The following SYN3 variants were observed in gnomAD, a reference collection of about 807,000 sequenced individuals.
The protein encoded by SYN3 is synapsin-3.
In SYN3, 35 loss-of-function variants were observed where a neutral mutation model predicts 65.8. The ratio of observed to expected loss-of-function variants is 0.53; its 90% CI spans 0.41 to 0.70. The LOEUF (loss-of-function observed/expected upper bound fraction) is 0.70. Ranked by LOEUF, SYN3 falls within the 30% of genes least tolerant of loss-of-function variation. The pLI is 0.00. For missense variants in SYN3, 680 were observed against 749.0 expected, an observed-to-expected ratio of 0.91 and a Z score of 1.08; for synonymous variants, 270 against 292.9, an observed-to-expected ratio of 0.92 and a Z score of 0.80.
intron 6 of SYN3, among the ~76,000 whole-genome samples, chr22:32,671,795 A>C (rs1284648551): frequency 6.6e-6 from 1 of 150,988 alleles, no homozygotes; most frequent in African/African-American, 2.5e-5. Flanking sequence ...ATGCTCTCAC[A>C]CAGGTACACA....
intron 1 of SYN3, among the ~76,000 whole-genome samples, chr22:33,011,510 CA>C (rs945504235): frequency 2.0e-5 from 3 of 151,848 alleles, no homozygotes; most frequent in Non-Finnish European, 4.4e-5. Context: ...ATGTTCATGA[CA>C]AAAAAACATT....
intron 1 of SYN3, among the ~76,000 whole-genome samples, chr22:33,020,567 T>A (rs1308099603): frequency 1.3e-5 from 2 of 152,176 alleles, no homozygotes; most frequent in East Asian, 3.9e-4. Flanking sequence ...TCTTTAAGAT[T>A]CACTGAGGTG....
chr22:32,938,569 A>G (rs2050843465), intron 3 of SYN3, among the ~76,000 whole-genome samples: 1 of 151,908 alleles, frequency 6.6e-6, no homozygotes, highest in Non-Finnish European at 1.5e-5. Context: ...GAAAAGAAAA[A>G]GAAAACCAAC....
At chr22:32,936,407 C>G (rs370426580) in intron 3 of SYN3, among the ~76,000 whole-genome samples, 3 of 152,060 alleles carry the variant, frequency 2.0e-5, no homozygotes, top group East Asian at 3.8e-4. Flanking sequence ...GTTAAGGATA[C>G]AAAGATTGAA....
rs1189710191 is a variant in SYN3 at position 32,693,592 on chromosome 22, G to GTTTTTTTTTTTTTTTTTTT, written c.712-96875_712-96857dup. Among the ~76,000 whole-genome samples, 3 of 90,532 alleles carry GTTTTTTTTTTTTTTTTTTT rather than the reference G, an allele frequency of 3.3e-5. 1 individual carries two copies. Among genetic ancestry groups the GTTTTTTTTTTTTTTTTTTT allele is most frequent in the African/African-American group, 1.0e-4 (2 of 19,054 alleles). 59.4% of individuals were successfully genotyped at this position (90,532 alleles called of 152,430 possible). ...ATATAATATTATTTTTCTGTAGCTT[G>GTTTTTTTTTTTTTTTTTTT]TTTTTTTTTTTTTTTTTTTTTTTGA... is the stretch of plus-strand genomic sequence containing the variant. On this transcript the variant is annotated intron_variant, in intron 6 of 13. Coordinates refer to ENST00000358763, the MANE Select transcript of SYN3 (RefSeq NM_003490.4).
chr22:32,863,824 T>A (rs542776195), intron 6 of SYN3, among the ~76,000 whole-genome samples: 4 of 152,180 alleles, frequency 2.6e-5, no homozygotes, highest in African/African-American at 9.7e-5. Flanking sequence ...TAGACAGAAC[T>A]GGCATTCAAA....
chr22:32,920,314 A>G (rs1241719951), intron 4 of SYN3, among the ~76,000 whole-genome samples: 3 of 152,152 alleles, frequency 2.0e-5, no homozygotes, highest in Non-Finnish European at 4.4e-5. Flanking sequence ...CTGTCTGTAT[A>G]AACATGGCTG....
At chr22:32,931,567 C>T in intron 3 of SYN3, 86 bp from the exon 4 acceptor site, 1 of 864,942 alleles carries the variant, frequency 1.2e-6, no homozygotes, top group Non-Finnish European at 2.0e-6. Flanking sequence ...CTTAGAGGTA[C>T]AAAGTACACC....
rs145918212 is a variant in SYN3 at position 32,730,228 on chromosome 22, A to G, written c.712-133492T>C. On this transcript the variant is annotated intron_variant, in intron 6 of 13. Coordinates refer to ENST00000358763, the MANE Select transcript of SYN3 (RefSeq NM_003490.4). ...TAAATGCACACCTTGAATATATTTC[A>G]TCCCATTGGCCTGACTAAACCTACT... is the stretch of plus-strand genomic sequence containing the variant. Among the ~76,000 whole-genome samples the G allele has an allele frequency of 2.3e-3, 350 of 152,366 alleles. 2 individuals are homozygous for G. Among genetic ancestry groups the G allele is most frequent in the African/African-American group, 7.9e-3 (328 of 41,588 alleles).
In SYN3 at chr22:32,512,772, G is replaced by A. The variant is rs2057706518; in HGVS notation, c.*920C>T. The A allele has an allele frequency of 6.6e-6, 1 of 152,180 alleles. No homozygotes were observed. The highest frequency in any genetic ancestry group is 2.4e-5 in the African/African-American group (1 of 41,446). The allele number at this position is 152,180 out of a possible 1,614,324, so 9.4% of individuals were successfully genotyped here. A position where few individuals can be genotyped will look rare whatever the true frequency, so the allele number is the denominator to read the frequency against. ...ACTATCATTGCACTTCGGATCCTATGTCATTGATCTGTTGATTCTCTCTGG... is the reference window on the plus strand; with the variant it reads ...ACTATCATTGCACTTCGGATCCTATATCATTGATCTGTTGATTCTCTCTGG... On this transcript the variant is annotated 3_prime_UTR_variant, in exon 14 of 14. Coordinates refer to ENST00000358763, the MANE Select transcript of SYN3 (RefSeq NM_003490.4).
At chr22:32,789,012 G>C (rs1330823982) in intron 6 of SYN3, among the ~76,000 whole-genome samples, 1 of 152,186 alleles carries the variant, frequency 6.6e-6, no homozygotes, top group Admixed American at 6.5e-5. Flanking sequence ...CCTCTGCCAG[G>C]CCAAGGGGCG....
intron 6 of SYN3, among the ~76,000 whole-genome samples, chr22:32,856,359 C>A (rs1332006551): frequency 3.3e-5 from 5 of 151,984 alleles, no homozygotes. Context: ...TGGGAAGGCA[C>A]CAACCTGGCT....
chr22:32,861,348 G>A (rs2048533025), intron 6 of SYN3: 1 of 152,142 alleles, frequency 6.6e-6, no homozygotes. Flanking sequence ...CATTTGGCAG[G>A]GGGAGAATGG....
rs150191113 is a variant in SYN3 at position 32,518,239 on chromosome 22, G to C, written c.1414C>G (p.Gln472Glu). ...SPQGQQPLSP[Q>E]SGSPQQQRSP... ...CTTTGCTGCTGTGGAGATCCGGACT[G>C]GGGGCTCAGGGGCTGCTGGCCTTGT... The change falls in exon 13 of 14, where the codon CAG becomes GAG. Residue 472 changes from glutamine (Q) to glutamate (E), a missense_variant. Coordinates refer to ENST00000358763, the MANE Select transcript of SYN3 (RefSeq NM_003490.4). 8 of 1,613,580 alleles carry C rather than the reference G, an allele frequency of 5.0e-6. No individual in the cohort carries two copies. Among genetic ancestry groups the C allele is most frequent in the African/African-American group, 2.7e-5 (2 of 74,870 alleles).
chr22:32,809,681 T>G (rs2046859840), intron 6 of SYN3, among the ~76,000 whole-genome samples: 1 of 152,262 alleles, frequency 6.6e-6, no homozygotes, highest in Non-Finnish European at 1.5e-5. Context: ...GTCATTATTC[T>G]GACACAATCA....
At chr22:32,631,836 T>C (rs982418394) in intron 6 of SYN3, among the ~76,000 whole-genome samples, 1 of 152,192 alleles carries the variant, frequency 6.6e-6, no homozygotes, top group South Asian at 2.1e-4. Flanking sequence ...GATGTATTAT[T>C]TGAACCCAGC....
intron 1 of SYN3, among the ~76,000 whole-genome samples, chr22:33,013,296 G>A (rs1480083024): frequency 1.3e-5 from 2 of 152,170 alleles, no homozygotes; most frequent in Non-Finnish European, 2.9e-5. Flanking sequence ...TCATGAACAT[G>A]CAGACAAACA....
chr22:32,933,828 C>A (rs537184180), intron 3 of SYN3, among the ~76,000 whole-genome samples: 1 of 152,176 alleles, frequency 6.6e-6, no homozygotes, highest in South Asian at 2.1e-4. Flanking sequence ...TTTTAGGGAC[C>A]TAAAAACAAC....
At chr22:32,867,261 C>T (rs1181584229) in intron 5 of SYN3, among the ~76,000 whole-genome samples, 2 of 152,188 alleles carry the variant, frequency 1.3e-5, no homozygotes, top group Non-Finnish European at 2.9e-5. Context: ...CCTTGATCTT[C>T]CCCCTTGCCA....
Sources: gnomAD v4.1 joint callset for allele counts (sites outside exome capture counted in the v4.1 genomes callset) on GRCh38, gnomAD v4.1.1 for gene constraint, MANE v1.5 for transcripts, NCBI Gene and HGNC (gene_info 2026-07-23, HGNC 2026-07-21) for gene names.